The following SPATA17 variants were observed in gnomAD, a reference collection of about 807,000 sequenced individuals.
SPATA17 encodes spermatogenesis associated 17, also known as spermatogenesis-associated protein 17.
Under a neutral mutation model 62.2 loss-of-function variants are expected in SPATA17, and 53 were observed. The ratio of observed to expected loss-of-function variants is 0.85; its 90% CI spans 0.68 to 1.07. SPATA17 has a LOEUF of 1.07. SPATA17 is among the 50% of genes least tolerant of loss of function. The pLI, the probability that SPATA17 is intolerant of heterozygous loss-of-function variation, is 0.00. For missense variants in SPATA17, 466 were observed against 425.5 expected, an observed-to-expected ratio of 1.10 and a Z score of -0.84; for synonymous variants, 146 against 146.8, an observed-to-expected ratio of 0.99 and a Z score of 0.04.
rs192084995 is a variant in SPATA17 at position 217,651,222 on chromosome 1, A to T, written c.240+44A>T. On this transcript the variant is annotated intron_variant, in intron 3 of 10. Coordinates refer to ENST00000366933, the MANE Select transcript of SPATA17 (RefSeq NM_138796.4). ...TATGTTAGCATTTGAATTGTACAATATGCTGTAACTTACTCACTTTAGTCA... is the reference window on the plus strand; with the variant it reads ...TATGTTAGCATTTGAATTGTACAATTTGCTGTAACTTACTCACTTTAGTCA... The T allele has an allele frequency of 1.2e-4, 171 of 1,422,218 alleles. 1 individual carries two copies. In the African/African-American group the frequency reaches 2.1e-3, roughly 17 times the overall value. The allele number at this position is 1,422,218 out of a possible 1,614,324, so 88.1% of individuals were successfully genotyped here. A position where few individuals can be genotyped will look rare whatever the true frequency, so the allele number is the denominator to read the frequency against.
rs1456480641 is a variant in SPATA17, at chr1:217,762,312, T to C, written c.520-12022T>C. On this transcript the variant is annotated intron_variant, in intron 6 of 10. Coordinates refer to ENST00000366933, the MANE Select transcript of SPATA17 (RefSeq NM_138796.4). Reference sequence around the variant, plus strand: ...CAACAATACACTGGGCCTCTCAACCTGAATGTTTTAAGGGAAGCTCAATCC... The same window carrying C: ...CAACAATACACTGGGCCTCTCAACCCGAATGTTTTAAGGGAAGCTCAATCC... Among the ~76,000 whole-genome samples the C allele has an allele frequency of 5.3e-5, 8 of 152,198 alleles. No individual in the cohort carries two copies. The South Asian group carries it at 1.7e-3, about 31-fold the overall frequency.
chr1:217,768,731 A>T (rs958069971), intron 6 of SPATA17, among the ~76,000 whole-genome samples: 1 of 151,848 alleles, frequency 6.6e-6, no homozygotes, highest in African/African-American at 2.4e-5. Context: ...TGACCTCATG[A>T]TCCACCTGCC....
At chr1:217,703,117 C>T (rs1671640017) in intron 5 of SPATA17, among the ~76,000 whole-genome samples, 1 of 151,226 alleles carries the variant, frequency 6.6e-6, no homozygotes, top group Admixed American at 6.6e-5. Context: ...CTCAGTGATA[C>T]ACCCGCCTCA....
At chr1:217,641,519 A>C (rs777104877) in intron 1 of SPATA17, among the ~76,000 whole-genome samples, 3 of 152,168 alleles carry the variant, frequency 2.0e-5, no homozygotes, top group Non-Finnish European at 2.9e-5. Flanking sequence ...TAAAAGTAAA[A>C]TATGAAGATA....
At chr1:217,860,491 C>T (rs1049396726) in intron 9 of SPATA17, among the ~76,000 whole-genome samples, 1 of 152,150 alleles carries the variant, frequency 6.6e-6, no homozygotes, top group Non-Finnish European at 1.5e-5. Context: ...GTTGAAGTCT[C>T]CAACTACAAT....
At chr1:217,828,231 C>G (rs956947957) in intron 9 of SPATA17, among the ~76,000 whole-genome samples, 4 of 151,904 alleles carry the variant, frequency 2.6e-5, no homozygotes, top group African/African-American at 9.7e-5. Flanking sequence ...AAAACAGAAA[C>G]ATAGACCAAC....
At chr1:217,747,863 A>G (rs969077803) in intron 6 of SPATA17, among the ~76,000 whole-genome samples, 2 of 152,206 alleles carry the variant, frequency 1.3e-5, no homozygotes, top group Admixed American at 6.5e-5. Context: ...TAAGTTATTT[A>G]TGATTTAAAA....
chr1:217,813,261 G>A (rs1166331066), intron 9 of SPATA17, among the ~76,000 whole-genome samples: 1 of 152,170 alleles, frequency 6.6e-6, no homozygotes, highest in Non-Finnish European at 1.5e-5. Flanking sequence ...TGAATCTGCT[G>A]TCACCAGCAT....
At chr1:217,809,527 C>G (rs1674531682) in intron 9 of SPATA17, among the ~76,000 whole-genome samples, 1 of 152,062 alleles carries the variant, frequency 6.6e-6, no homozygotes, top group Non-Finnish European at 1.5e-5. Flanking sequence ...TGGAGAAGGT[C>G]AAAGGGGAAG....
intron 1 of SPATA17, among the ~76,000 whole-genome samples, chr1:217,638,009 A>G (rs1210805847): frequency 6.6e-6 from 1 of 152,166 alleles, no homozygotes; most frequent in Non-Finnish European, 1.5e-5. Context: ...ATCATCTGGT[A>G]TATTAGTAAG....
chr1:217,637,575 G>A (rs145618962), intron 1 of SPATA17, among the ~76,000 whole-genome samples: 13 of 152,136 alleles, frequency 8.5e-5, no homozygotes, highest in African/African-American at 2.6e-4. Context: ...TCCTATAAAC[G>A]GAATAAATTT....
At chr1:217,753,665 A>G (rs1672969555) in intron 6 of SPATA17, among the ~76,000 whole-genome samples, 1 of 152,016 alleles carries the variant, frequency 6.6e-6, no homozygotes, top group Non-Finnish European at 1.5e-5. Context: ...GTATATATGT[A>G]CATACATGTA....
chr1:217,743,261 G>C lies in SPATA17; in HGVS notation c.519+1163G>C, dbSNP rs139649429. On this transcript the variant is annotated intron_variant, in intron 6 of 10. Coordinates refer to ENST00000366933, the MANE Select transcript of SPATA17 (RefSeq NM_138796.4). ...TAAAAGATACTTTTAAAAATTAAAA[G>C]TCAAAATATTTTAACTTTTCATTAT... Among the ~76,000 whole-genome samples the C allele has an allele frequency of 2.2e-3, 331 of 152,032 alleles. 2 individuals are homozygous for C. Among genetic ancestry groups the C allele is most frequent in the African/African-American group, 6.6e-3 (272 of 41,518 alleles).
At chr1:217,769,591 C>T (rs963239123) in intron 6 of SPATA17, among the ~76,000 whole-genome samples, 1 of 152,092 alleles carries the variant, frequency 6.6e-6, no homozygotes, top group Non-Finnish European at 1.5e-5. Flanking sequence ...TTCTGGGATC[C>T]GCATTTAATG....
intron 4 of SPATA17, among the ~76,000 whole-genome samples, chr1:217,671,977 T>C (rs1413366539): frequency 6.6e-6 from 1 of 152,158 alleles, no homozygotes; most frequent in Non-Finnish European, 1.5e-5. Context: ...AGAAAGACCA[T>C]AAGTGATTCC....
intron 5 of SPATA17, among the ~76,000 whole-genome samples, chr1:217,685,915 A>G (rs1671205794): frequency 6.6e-6 from 1 of 152,118 alleles, no homozygotes; most frequent in African/African-American, 2.4e-5. Context: ...TTATTATAGT[A>G]TATTGTTATA....
At chr1:217,743,144 T>C (rs1444503596) in intron 6 of SPATA17, among the ~76,000 whole-genome samples, 2 of 152,070 alleles carry the variant, frequency 1.3e-5, no homozygotes, top group East Asian at 3.8e-4. Flanking sequence ...TCAGAGGTGT[T>C]ACGTAGCTAA....
At chr1:217,663,610 A>G (rs1040478074) in intron 3 of SPATA17, among the ~76,000 whole-genome samples, 1 of 152,180 alleles carries the variant, frequency 6.6e-6, no homozygotes, top group Non-Finnish European at 1.5e-5. Context: ...GAAAATAACA[A>G]AAACTCAGGC....
At chr1:217,758,871 T>A (rs905617266) in intron 6 of SPATA17, among the ~76,000 whole-genome samples, 1 of 152,146 alleles carries the variant, frequency 6.6e-6, no homozygotes, top group Non-Finnish European at 1.5e-5. Context: ...GAGATATTGA[T>A]CTTTAAGGTT....
Sources: gnomAD v4.1 joint callset for allele counts (sites outside exome capture counted in the v4.1 genomes callset) on GRCh38, gnomAD v4.1.1 for gene constraint, MANE v1.5 for transcripts, NCBI Gene and HGNC (gene_info 2026-07-23, HGNC 2026-07-21) for gene names.